The following LAMA4 variants were observed in gnomAD, a reference collection of about 807,000 sequenced individuals.
LAMA4 encodes laminin subunit alpha-4.
In LAMA4, 127 loss-of-function variants were observed where a neutral mutation model predicts 207.1. The ratio of observed to expected loss-of-function variants is 0.61; its 90% CI spans 0.53 to 0.71. The LOEUF is 0.71. Ranked by LOEUF, LAMA4 falls within the 30% of genes least tolerant of loss-of-function variation. LAMA4 has a pLI of 0.00. For missense variants in LAMA4, 2,093 were observed against 2,246.5 expected, an observed-to-expected ratio of 0.93 and a Z score of 1.38; for synonymous variants, 761 against 816.0, an observed-to-expected ratio of 0.93 and a Z score of 1.15.
At chr6:112,242,878 T>C (rs913828233) in intron 2 of LAMA4, among the ~76,000 whole-genome samples, 29 of 152,238 alleles carry the variant, frequency 1.9e-4, no homozygotes, top group Admixed American at 1.2e-3. Flanking sequence ...TAATGATTAA[T>C]AATCTGTCAC....
chr6:112,172,768 T>A lies in LAMA4; in HGVS notation c.1394A>T (p.Asn465Ile). 1 of 1,614,052 alleles carries A rather than the reference T, an allele frequency of 6.2e-7. No individual in the cohort carries two copies. The highest frequency in any genetic ancestry group is 8.5e-7 in the Non-Finnish European group (1 of 1,179,974). The change falls in exon 12 of 39, where the codon AAT becomes ATT. Residue 465 changes from asparagine (N) to isoleucine (I), a missense_variant. Physicochemically the swap from Asn to Ile is moderately radical, Grantham distance 149. Around this residue, in one of 3 missense-constraint regions of LAMA4, gnomAD observed 1,704 missense variants for 1,788.4 expected, o/e 0.95. Transcript: ENST00000230538. ...GACAGGAAACAGAGTGCGGGTCTCA[T>A]TGTGCAGCCGCTGCCAGCTCTCAGC... ...SQAESWQRLH[N>I]ETRTLFPVVL...
chr6:112,113,945 A>T, intron 38 of LAMA4, 131 bp downstream of exon 38: 1 of 1,058,596 alleles, frequency 9.4e-7, no homozygotes, highest in Non-Finnish European at 1.5e-6. Context: ...TTTTCCATTT[A>T]AACAACACTG....
intron 4 of LAMA4, among the ~76,000 whole-genome samples, chr6:112,202,483 C>T (rs1374817115): frequency 6.6e-6 from 1 of 151,572 alleles, no homozygotes; most frequent in African/African-American, 2.4e-5. Context: ...ATTTTAAGGA[C>T]TTTTAAATTA....
At chr6:112,150,018 G>A (rs1304026045) in intron 17 of LAMA4, among the ~76,000 whole-genome samples, 1 of 152,092 alleles carries the variant, frequency 6.6e-6, no homozygotes, top group Non-Finnish European at 1.5e-5. Flanking sequence ...TGGTCTCCCT[G>A]GTTTCTATTT....
intron 8 of LAMA4, chr6:112,187,163 C>T: frequency 2.0e-6 from 1 of 499,602 alleles, no homozygotes. Context: ...AAGTGTTTCT[C>T]TTTCCTCAGT....
intron 2 of LAMA4, among the ~76,000 whole-genome samples, chr6:112,243,846 T>C (rs1465561646): frequency 1.3e-5 from 2 of 151,832 alleles, no homozygotes; most frequent in Non-Finnish European, 2.9e-5. Context: ...TTGCCTGAGG[T>C]CGGGAGTTCA....
chr6:112,150,036 G>A (rs966035082), intron 17 of LAMA4, among the ~76,000 whole-genome samples: 2 of 152,132 alleles, frequency 1.3e-5, no homozygotes, highest in Non-Finnish European at 2.9e-5. Flanking sequence ...TTTGGTCTCT[G>A]GGCCTGTTGC....
At chr6:112,134,390 T>C in intron 26 of LAMA4, 77 bp downstream of exon 26, 2 of 1,450,536 alleles carry the variant, frequency 1.4e-6, no homozygotes, top group South Asian at 1.1e-5. Context: ...GTGCGTACAC[T>C]GTTACTAGAC....
intron 2 of LAMA4, among the ~76,000 whole-genome samples, chr6:112,247,467 G>A (rs1291647145): frequency 6.6e-6 from 1 of 152,120 alleles, no homozygotes; most frequent in East Asian, 1.9e-4. Context: ...AAAAATTTGA[G>A]TCAGCAATTT....
At chr6:112,140,644 C>G in intron 22 of LAMA4, 116 bp downstream of exon 22, 1 of 902,344 alleles carries the variant, frequency 1.1e-6, no homozygotes, top group Non-Finnish European at 1.8e-6. Context: ...TCTACTCCCC[C>G]ATGAACTAAG....
intron 5 of LAMA4, among the ~76,000 whole-genome samples, chr6:112,195,602 T>C (rs1783369381): frequency 6.6e-6 from 1 of 152,218 alleles, no homozygotes; most frequent in East Asian, 1.9e-4. Context: ...CTGCCTTTTC[T>C]GTTAGGGGTT....
At position 112,141,494 on chromosome 6, in the gene LAMA4, C is replaced by T. The variant is rs1554333235; in HGVS notation, c.2677G>A (p.Glu893Lys). The change falls in exon 21 of 39, where the codon GAG (glutamate) becomes AAG (lysine). Residue 893 changes from glutamate (E) to lysine (K), a missense_variant. By Grantham distance (56) the Glu-to-Lys change is moderately conservative. This residue lies in a region of LAMA4 where 1,704 missense variants were observed against 1,788.4 expected (regional missense o/e 0.95). Coordinates refer to ENST00000230538, the MANE Select transcript of LAMA4 (RefSeq NM_001105206.3). ...LYLGSKNAKK[E>K]YMGLAIKNDN... ...TTTTTGATTGCAAGACCCATATACT[C>T]TTTTTTGGCCTGAAATATCAAGAAG... 1 of 1,601,696 alleles carries T rather than the reference C, an allele frequency of 6.2e-7. No homozygotes were observed. Among genetic ancestry groups the T allele is most frequent in the Non-Finnish European group, 8.6e-7 (1 of 1,168,722 alleles).
chr6:112,143,434 G>A (rs539614677), intron 19 of LAMA4, among the ~76,000 whole-genome samples: 74 of 152,070 alleles, frequency 4.9e-4, no homozygotes, highest in African/African-American at 1.6e-3. Flanking sequence ...ACAGGTGTGC[G>A]CCACCACGCC....
intron 2 of LAMA4, among the ~76,000 whole-genome samples, chr6:112,221,752 A>G (rs1554360684): frequency 6.6e-6 from 1 of 152,056 alleles, no homozygotes; most frequent in Admixed American, 6.5e-5. Flanking sequence ...GTTTCTGCAC[A>G]ATGCTGACTT....
intron 8 of LAMA4, chr6:112,186,693 A>G: frequency 2.3e-6 from 1 of 431,804 alleles, no homozygotes; most frequent in Admixed American, 2.6e-5. Context: ...ATACTAACAC[A>G]ATGTCAATGC....
rs538536514 is a variant in LAMA4, at chr6:112,139,896, GA to G, written c.2977-12del. 8.1e-5 allele frequency: 131 copies of G among 1,613,856 alleles called. 4 individuals carry two copies. In the South Asian group the frequency reaches 1.3e-3, roughly 17 times the overall value. On this transcript the variant is annotated splice_polypyrimidine_tract_variant and intron_variant, in intron 22 of 38. Transcript: ENST00000230538. ...TAAGCTGGTAGGGAGCTATGCAATA[GA>G]AAAAGTAAAACCACTTGTCTCATGG...
chr6:112,169,429 G>A (rs1781586758), intron 12 of LAMA4, among the ~76,000 whole-genome samples: 1 of 152,228 alleles, frequency 6.6e-6, no homozygotes, highest in Non-Finnish European at 1.5e-5. Context: ...CCTGCAGAAA[G>A]ACACAAATAT....
chr6:112,214,032 G>T, intron 3 of LAMA4: 1 of 762,986 alleles, frequency 1.3e-6, no homozygotes, highest in Admixed American at 1.8e-5. Context: ...TGAACGATAG[G>T]GCAGAAGCTG....
At chr6:112,232,581 T>C (rs899035825) in intron 2 of LAMA4, among the ~76,000 whole-genome samples, 10 of 152,228 alleles carry the variant, frequency 6.6e-5, no homozygotes, top group African/African-American at 2.4e-4. Flanking sequence ...AGTTTCAGAA[T>C]TGCTTTACAA....
Sources: gnomAD v4.1 joint callset for allele counts (sites outside exome capture counted in the v4.1 genomes callset) on GRCh38, gnomAD v4.1.1 for gene constraint, gnomAD v4.1.1 regional missense constraint, MANE v1.5 for transcripts, NCBI Gene and HGNC (gene_info 2026-07-23, HGNC 2026-07-21) for gene names.